SGTB: variants seen among roughly 807,000 people sequenced by gnomAD.
The protein encoded by SGTB is small glutamine-rich tetratricopeptide repeat-containing protein beta.
SGTB carries 19 observed loss-of-function variants against 43.9 expected under a neutral mutation model. The ratio of observed to expected loss-of-function variants is 0.43; its 90% CI spans 0.30 to 0.63. SGTB has a LOEUF of 0.63. SGTB is among the 30% of genes least tolerant of loss of function. SGTB has a pLI of 0.12. For synonymous variants in SGTB, 116 were observed against 117.3 expected, an observed-to-expected ratio of 0.99 and a Z score of 0.07; for missense variants, 304 against 358.9, an observed-to-expected ratio of 0.85 and a Z score of 1.24.
chr5:65,696,427 T>C (rs1757715533), intron 5 of SGTB, among the ~76,000 whole-genome samples: 1 of 152,264 alleles, frequency 6.6e-6, no homozygotes, highest in South Asian at 2.1e-4. Context: ...GTTCATTTCA[T>C]ATCATGGAGA....
At chr5:65,711,342 T>C (rs1471263028) in intron 3 of SGTB, among the ~76,000 whole-genome samples, 1 of 151,826 alleles carries the variant, frequency 6.6e-6, no homozygotes, top group Non-Finnish European at 1.5e-5. Context: ...AAAAGTCAAT[T>C]AGAGTTTCCT....
In SGTB at chr5:65,670,140, G is replaced by C; in HGVS notation, c.*106C>G. On this transcript the variant is annotated 3_prime_UTR_variant, in exon 11 of 11. Transcript: ENST00000381007. ...TTTCCTCCATTATTTTCACACATCAGATATGGTGTTTGGTTTTTTGAAGGA... is the reference window on the plus strand; with the variant it reads ...TTTCCTCCATTATTTTCACACATCACATATGGTGTTTGGTTTTTTGAAGGA... 3.5e-6 allele frequency: 3 copies of C among 863,688 alleles called. No homozygotes were observed. The South Asian group carries it at 4.8e-5, about 14-fold the overall frequency. 53.5% of individuals were successfully genotyped at this position (863,688 alleles called of 1,614,324 possible).
chr5:65,685,551 C>T, intron 5 of SGTB, 79 bp from the exon 6 acceptor site: 7 of 1,150,452 alleles, frequency 6.1e-6, no homozygotes, highest in Non-Finnish European at 8.9e-6. Context: ...AATAATACTA[C>T]CTTTTTCTTG....
At chr5:65,706,912 C>G (rs1172150910) in intron 4 of SGTB, among the ~76,000 whole-genome samples, 2 of 151,996 alleles carry the variant, frequency 1.3e-5, no homozygotes, top group East Asian at 3.9e-4. Context: ...AATTATCTGT[C>G]TAGGTAAGTA....
chr5:65,682,168 A>T (rs1009251444), intron 6 of SGTB, among the ~76,000 whole-genome samples: 13 of 152,204 alleles, frequency 8.5e-5, no homozygotes, highest in African/African-American at 3.1e-4. Flanking sequence ...GGAGCATTGT[A>T]GTGGAAATAG....
rs2150699746 is a variant in SGTB at position 65,668,467 on chromosome 5, G to C, written c.*1779C>G. ...CATTAAAAACAAAAATTAGCGGCCA[G>C]GCACGGTGGCTCACGCCTGTAATCC... is the stretch of plus-strand genomic sequence containing the variant. On this transcript the variant is annotated 3_prime_UTR_variant, in exon 11 of 11. Coordinates refer to ENST00000381007, the MANE Select transcript of SGTB (RefSeq NM_019072.3). 6.6e-6 allele frequency: 1 copy of C among 152,250 alleles called. No homozygotes were observed. Among genetic ancestry groups the C allele is most frequent in the South Asian group, 2.1e-4 (1 of 4,810 alleles). The allele number at this position is 152,250 out of a possible 1,614,324, so 9.4% of individuals were successfully genotyped here.
At chr5:65,722,312 C>G (rs1758323782), upstream of SGTB, 1 of 1,420,200 alleles carries the variant, frequency 7.0e-7, no homozygotes, top group Non-Finnish European at 9.4e-7. Flanking sequence ...GCGCTGCCGC[C>G]CGCCTCGCCG....
chr5:65,697,415 C>T (rs1453473690), intron 5 of SGTB, among the ~76,000 whole-genome samples: 12 of 152,102 alleles, frequency 7.9e-5, no homozygotes, highest in Admixed American at 7.9e-4. Context: ...CTCACATTTT[C>T]CATATTTATA....
chr5:65,679,830 T>C (rs1006982975), intron 8 of SGTB, among the ~76,000 whole-genome samples: 45 of 152,192 alleles, frequency 3.0e-4, no homozygotes, highest in Admixed American at 1.0e-3. Context: ...CCCGAAGGAA[T>C]AGAAATCTTT....
intron 2 of SGTB, among the ~76,000 whole-genome samples, chr5:65,713,727 C>A (rs371134410): frequency 6.6e-6 from 1 of 152,036 alleles, no homozygotes; most frequent in African/African-American, 2.4e-5. Flanking sequence ...AAGAGCAAGT[C>A]ATTAATAACA....
At chr5:65,694,619 G>A (rs1038952376) in intron 5 of SGTB, among the ~76,000 whole-genome samples, 1 of 151,950 alleles carries the variant, frequency 6.6e-6, no homozygotes, top group Non-Finnish European at 1.5e-5. Context: ...GGGAATACAG[G>A]TGCGCACCAC....
At chr5:65,707,949 T>C (rs1052316501) in intron 4 of SGTB, among the ~76,000 whole-genome samples, 1 of 152,172 alleles carries the variant, frequency 6.6e-6, no homozygotes, top group Non-Finnish European at 1.5e-5. Flanking sequence ...CGTCTATAGC[T>C]TAACATAGCT....
At chr5:65,683,492 A>G (rs80041026) in intron 6 of SGTB, among the ~76,000 whole-genome samples, 1 of 152,298 alleles carries the variant, frequency 6.6e-6, no homozygotes, top group Non-Finnish European at 1.5e-5. Context: ...GGATAAACTG[A>G]GCAGAGAGAA....
chr5:65,709,103 C>A (rs1018573503), intron 3 of SGTB, among the ~76,000 whole-genome samples: 2 of 151,576 alleles, frequency 1.3e-5, no homozygotes, highest in Admixed American at 1.3e-4. Context: ...GTGCATTTCC[C>A]ATACCTGGCA....
Position 65,707,395 on chromosome 5 carries a change from TACACACACACAC to T in SGTB, c.274+1082_274+1093del, listed in dbSNP as rs35011866. 5.4e-3 allele frequency among the ~76,000 whole-genome samples: 720 copies of T among 133,690 alleles called. 5 individuals carry two copies. The highest frequency in any genetic ancestry group is 0.016 in the Admixed American group (202 of 12,936). 87.7% of individuals were successfully genotyped at this position (133,690 alleles called of 152,430 possible). A position where few individuals can be genotyped will look rare whatever the true frequency, so the allele number is the denominator to read the frequency against. ...CCTTTTTAGATACCAGCTGATTTTA[TACACACACACAC>T]ACACACACACACACACACACACACA... On this transcript the variant is annotated intron_variant, in intron 4 of 10. Coordinates refer to ENST00000381007, the MANE Select transcript of SGTB (RefSeq NM_019072.3).
chr5:65,701,009 CAAAAAAAAAAAA>C (rs1161067337), intron 5 of SGTB, among the ~76,000 whole-genome samples: 2 of 16,120 alleles, frequency 1.2e-4, no homozygotes, highest in East Asian at 1.6e-3. Context: ...GACTCCGTCT[CAAAAAAAAAAAA>C]AAAAAAAAAA....
chr5:65,689,461 A>C (rs154624), intron 5 of SGTB, among the ~76,000 whole-genome samples: 37,442 of 152,082 alleles, frequency 0.25, 4,960 homozygotes, highest in Non-Finnish European at 0.3. Context: ...AGTTTCCATA[A>C]TGTCTCCTGC....
intron 5 of SGTB, among the ~76,000 whole-genome samples, chr5:65,686,622 G>A (rs1303273973): frequency 2.0e-5 from 3 of 151,472 alleles, no homozygotes; most frequent in Non-Finnish European, 4.4e-5. Flanking sequence ...GCCTCCCTAA[G>A]AGCTGGGATT....
chr5:65,709,141 T>C (rs1757995441), intron 3 of SGTB, among the ~76,000 whole-genome samples: 1 of 152,122 alleles, frequency 6.6e-6, no homozygotes, highest in African/African-American at 2.4e-5. Context: ...AAAATGGAAT[T>C]AGTATGTAAA....
Sources: gnomAD v4.1 joint callset for allele counts (sites outside exome capture counted in the v4.1 genomes callset) on GRCh38, gnomAD v4.1.1 for gene constraint, MANE v1.5 for transcripts, NCBI Gene and HGNC (gene_info 2026-07-23, HGNC 2026-07-21) for gene names.